VPS53: variants seen among roughly 807,000 people sequenced by gnomAD.
VPS53 encodes the protein VPS53 subunit of GARP complex.
Under a neutral mutation model 107.0 loss-of-function variants are expected in VPS53, and 70 were observed. The ratio of observed to expected loss-of-function variants is 0.65; its 90% CI spans 0.54 to 0.80. The LOEUF is 0.80. Among genes scored for constraint, VPS53 ranks in the 30% least tolerant of loss-of-function variants. The pLI is 0.00. For synonymous variants in VPS53, 409 were observed against 393.3 expected (o/e 1.04, Z -0.47); for missense variants, 917 against 1,049.4 (o/e 0.87, Z 1.74).
Position 633,573 on chromosome 17 carries a change from T to C in VPS53, c.609-1945A>G, listed in dbSNP as rs573719693. Among the ~76,000 whole-genome samples the C allele has an allele frequency of 3.3e-5, 5 of 152,294 alleles. No individual in the cohort carries two copies. In the South Asian group the frequency reaches 6.2e-4, roughly 19 times the overall value. ...AAAACAATCTGTTTTTTCCGTGGCG[T>C]GGTTACAATTATACCTTATTCCAAA... On this transcript the variant is annotated intron_variant, in intron 7 of 21. Coordinates refer to ENST00000437048, the MANE Select transcript of VPS53 (RefSeq NM_001128159.3).
Position 513,333 on chromosome 17 carries a change from T to C in VPS53, c.*5795A>G, listed in dbSNP as rs2151784618. ...CTATTTACACAAAGAAGCAATCCCT[T>C]TATTTTAAGGAAATTTATATCTCCC... On this transcript the variant is annotated 3_prime_UTR_variant, in exon 22 of 22. Transcript: ENST00000437048. The C allele has an allele frequency of 6.6e-6, 1 of 152,312 alleles. No homozygotes were observed. The highest frequency in any genetic ancestry group is 6.5e-5 in the Admixed American group (1 of 15,300). 9.4% of individuals were successfully genotyped at this position (152,312 alleles called of 1,614,324 possible).
chr17:584,641 C>T (rs1293912779), intron 13 of VPS53, among the ~76,000 whole-genome samples: 2 of 152,160 alleles, frequency 1.3e-5, no homozygotes, highest in African/African-American at 2.4e-5. Flanking sequence ...CCACCTCAGC[C>T]TCTCGAGTAG....
intron 13 of VPS53, among the ~76,000 whole-genome samples, chr17:567,418 T>C (rs552518351): frequency 6.6e-6 from 1 of 152,270 alleles, no homozygotes; most frequent in Non-Finnish European, 1.5e-5. Context: ...AGCCAGTATT[T>C]CACAGAACAG....
intron 12 of VPS53, among the ~76,000 whole-genome samples, chr17:589,376 A>G (rs895621592): frequency 1.3e-5 from 2 of 151,996 alleles, no homozygotes; most frequent in African/African-American, 2.4e-5. Context: ...TGGATGTTAA[A>G]TTTTCTGATT....
At chr17:697,370 G>A (rs139645085) in intron 4 of VPS53, 48 bp downstream of exon 4, 39 of 1,502,076 alleles carry the variant, frequency 2.6e-5, no homozygotes, top group Admixed American at 2.5e-4. Context: ...TCTGGTTGCC[G>A]GGAGAAACCA....
At chr17:595,967 C>CCG (rs1555561452) in intron 12 of VPS53, among the ~76,000 whole-genome samples, 1 of 144,584 alleles carries the variant, frequency 6.9e-6, no homozygotes, top group Non-Finnish European at 1.5e-5. Context: ...CTCTAGTGTC[C>CCG]CCCTGGAGGA....
intron 4 of VPS53, among the ~76,000 whole-genome samples, chr17:692,323 G>A (rs561140523): frequency 8.5e-5 from 13 of 152,136 alleles, no homozygotes; most frequent in East Asian, 5.8e-4. Flanking sequence ...AGTTTTAAAC[G>A]TGGGCATTTA....
chr17:685,477 T>C (rs1372538743), intron 4 of VPS53, among the ~76,000 whole-genome samples: 1 of 152,188 alleles, frequency 6.6e-6, no homozygotes, highest in Non-Finnish European at 1.5e-5. Flanking sequence ...TCACATGAGC[T>C]ATTCAACACT....
At chr17:602,019 C>T in intron 11 of VPS53, 123 bp from the exon 12 acceptor site, 1 of 626,524 alleles carries the variant, frequency 1.6e-6, no homozygotes, top group Non-Finnish European at 2.5e-6. Flanking sequence ...TAAAGAAGAA[C>T]TGAGGCAACC....
intron 11 of VPS53, among the ~76,000 whole-genome samples, chr17:619,455 G>A (rs1419565007): frequency 1.4e-5 from 2 of 145,814 alleles, no homozygotes; most frequent in Non-Finnish European, 1.5e-5. Context: ...CCGGGTAGCT[G>A]GGACTACAGG....
At chr17:583,907 G>A (rs923540958) in intron 13 of VPS53, among the ~76,000 whole-genome samples, 7 of 148,526 alleles carry the variant, frequency 4.7e-5, no homozygotes, top group East Asian at 2.0e-4. Flanking sequence ...GACCTCATGC[G>A]TTCCCAGGGA....
At chr17:678,697 G>A (rs1057350914) in intron 4 of VPS53, among the ~76,000 whole-genome samples, 1 of 151,716 alleles carries the variant, frequency 6.6e-6, no homozygotes, top group Non-Finnish European at 1.5e-5. Flanking sequence ...AGAGTGCAGT[G>A]GCATGATCTC....
intron 17 of VPS53, among the ~76,000 whole-genome samples, chr17:545,555 G>A (rs1911115054): frequency 6.6e-6 from 1 of 152,208 alleles, no homozygotes; most frequent in Non-Finnish European, 1.5e-5. Context: ...GGCTACCTCT[G>A]CTCAGTAGAG....
Position 628,322 on chromosome 17 carries a change from T to C in VPS53, c.688-91A>G, listed in dbSNP as rs541301785. On this transcript the variant is annotated intron_variant, in intron 8 of 21. Transcript: ENST00000437048. Reference sequence around the variant, plus strand: ...AGCCACTACTTGTTATCTCTACGCATTGTCAGTCTTACTCCTGCTCCTTCA... The same window carrying C: ...AGCCACTACTTGTTATCTCTACGCACTGTCAGTCTTACTCCTGCTCCTTCA... The C allele has an allele frequency of 8.6e-5, 126 of 1,470,206 alleles. 2 individuals are homozygous for C. In the South Asian group the frequency reaches 1.5e-3, roughly 17 times the overall value. 91.1% of individuals were successfully genotyped at this position (1,470,206 alleles called of 1,614,324 possible).
intron 8 of VPS53, among the ~76,000 whole-genome samples, chr17:629,396 A>T (rs1278113940): frequency 6.6e-6 from 1 of 152,214 alleles, no homozygotes; most frequent in Admixed American, 6.5e-5. Context: ...AATTTTTAAA[A>T]ATCTTAATTC....
In VPS53 at chr17:700,316, G is replaced by A. The variant is rs540594073; in HGVS notation, c.169-936C>T. Among the ~76,000 whole-genome samples the A allele has an allele frequency of 6.6e-4, 100 of 152,160 alleles. 1 individual carries two copies. The highest frequency in any genetic ancestry group is 2.3e-3 in the African/African-American group (95 of 41,502). On this transcript the variant is annotated intron_variant, in intron 2 of 21. Transcript: ENST00000437048. ...CCAGCACTTTGGGAGGCCAAGGCAG[G>A]CGGATCACCTGAGGTCAGGAGTTTG... is the stretch of plus-strand genomic sequence containing the variant.
intron 5 of VPS53, among the ~76,000 whole-genome samples, chr17:660,136 T>C (rs1281736099): frequency 1.3e-5 from 2 of 152,218 alleles, no homozygotes; most frequent in Non-Finnish European, 2.9e-5. Context: ...TGGGAGGTTG[T>C]AGAGTCAGAC....
At chr17:657,524 A>C in intron 5 of VPS53, 1 of 1,471,354 alleles carries the variant, frequency 6.8e-7, no homozygotes, top group South Asian at 1.1e-5. Flanking sequence ...CCCGCTTCAG[A>C]TGCTTCTTGG....
intron 13 of VPS53, among the ~76,000 whole-genome samples, chr17:564,301 G>A (rs1246383330): frequency 6.6e-6 from 1 of 151,944 alleles, no homozygotes; most frequent in African/African-American, 2.4e-5. Flanking sequence ...AGCACTTTGG[G>A]AGGCCAAGGC....
Sources: allele counts gnomAD v4.1 joint callset (sites outside exome capture counted in the v4.1 genomes callset), GRCh38; gene constraint gnomAD v4.1.1; transcripts MANE v1.5; gene names NCBI Gene and HGNC (gene_info 2026-07-23, HGNC 2026-07-21).